ROBO1: variants seen among roughly 807,000 people sequenced by gnomAD.
ROBO1 encodes the protein roundabout guidance receptor 1, also known as roundabout homolog 1.
In ROBO1, 149 loss-of-function variants were observed where a neutral mutation model predicts 195.9. The observed-to-expected ratio is 0.76, with a 90% CI of 0.67 to 0.87. The LOEUF is 0.87. Among genes scored for constraint, ROBO1 ranks in the 40% least tolerant of loss-of-function variants. The pLI is 0.00. For missense variants in ROBO1, 1,933 were observed against 2,068.3 expected (o/e 0.93, Z 1.27); for synonymous variants, 816 against 733.2 (o/e 1.11, Z -1.82).
intron 4 of ROBO1, among the ~76,000 whole-genome samples, chr3:78,758,395 C>T (rs1036742227): frequency 6.6e-6 from 1 of 151,764 alleles, no homozygotes; most frequent in African/African-American, 2.4e-5. Context: ...TGTGGTGGCA[C>T]AGGCCTGTAG....
chr3:78,861,770 AT>A (rs2034856672), intron 4 of ROBO1, among the ~76,000 whole-genome samples: 1 of 152,152 alleles, frequency 6.6e-6, no homozygotes, highest in African/African-American at 2.4e-5. Context: ...CACCTTGTTT[AT>A]AGCTCTGAAA....
intron 3 of ROBO1, among the ~76,000 whole-genome samples, chr3:79,048,974 C>A (rs1048992307): frequency 2.0e-5 from 3 of 152,102 alleles, no homozygotes; most frequent in African/African-American, 2.4e-5. Context: ...ATTCCAAAAA[C>A]CAGAGCACCT....
chr3:79,441,073 T>G (rs557890285), intron 2 of ROBO1, among the ~76,000 whole-genome samples: 2 of 152,116 alleles, frequency 1.3e-5, no homozygotes, highest in Non-Finnish European at 2.9e-5. Context: ...AAAAAACATA[T>G]ATGCTAAACT....
intron 2 of ROBO1, among the ~76,000 whole-genome samples, chr3:79,312,959 C>T (rs1245332205): frequency 6.6e-6 from 1 of 151,930 alleles, no homozygotes; most frequent in African/African-American, 2.4e-5. Context: ...TCAACGTTGC[C>T]ATTTACATTC....
At chr3:79,683,156 C>A (rs946676143) in intron 1 of ROBO1, among the ~76,000 whole-genome samples, 5 of 151,826 alleles carry the variant, frequency 3.3e-5, no homozygotes, top group African/African-American at 4.8e-5. Context: ...CCCTGCATTT[C>A]AAGTGGAAAA....
intron 2 of ROBO1, among the ~76,000 whole-genome samples, chr3:79,361,611 T>A (rs1378918932): frequency 6.6e-6 from 1 of 152,086 alleles, no homozygotes; most frequent in Non-Finnish European, 1.5e-5. Flanking sequence ...TTAAATTCAA[T>A]GTCGAACTCT....
intron 1 of ROBO1, among the ~76,000 whole-genome samples, chr3:79,755,055 T>G (rs1704316617): frequency 6.6e-6 from 1 of 151,956 alleles, no homozygotes. Flanking sequence ...TAATTTTGTA[T>G]TTTTAGTAGA....
Position 79,301,323 on chromosome 3 carries a change from C to A in ROBO1, c.89-175784G>T, listed in dbSNP as rs562642059. Among the ~76,000 whole-genome samples the A allele has an allele frequency of 1.2e-4, 19 of 152,264 alleles. No individual in the cohort carries two copies. In the East Asian group the frequency reaches 3.5e-3, roughly 28 times the overall value. On this transcript the variant is annotated intron_variant, in intron 2 of 30. Transcript: ENST00000464233. ...ACTTCTTTCTTGAAGTCAGTGAGAC[C>A]AAGAACCCACCAATTCCGCACACAG... is the stretch of plus-strand genomic sequence containing the variant.
At chr3:79,661,800 A>G (rs1006419184) in intron 1 of ROBO1, among the ~76,000 whole-genome samples, 18 of 152,076 alleles carry the variant, frequency 1.2e-4, no homozygotes, top group African/African-American at 3.9e-4. Context: ...TTGAAATTTC[A>G]TGTCTTTGAA....
chr3:79,556,940 T>TA (rs1942722271), intron 2 of ROBO1, among the ~76,000 whole-genome samples: 1 of 151,046 alleles, frequency 6.6e-6, no homozygotes, highest in Admixed American at 6.6e-5. Flanking sequence ...TTTTATTTTT[T>TA]ATCTCATTTT....
intron 3 of ROBO1, among the ~76,000 whole-genome samples, chr3:79,047,200 G>A (rs1398940696): frequency 1.3e-5 from 2 of 152,112 alleles, no homozygotes; most frequent in East Asian, 3.9e-4. Flanking sequence ...ATTATGTAGT[G>A]GGAGAATGTA....
intron 4 of ROBO1, among the ~76,000 whole-genome samples, chr3:78,765,270 G>A (rs2083201926): frequency 6.6e-6 from 1 of 151,818 alleles, no homozygotes; most frequent in African/African-American, 2.4e-5. Flanking sequence ...CTAAAGTTTT[G>A]ATTATATTTA....
intron 6 of ROBO1, 83 bp from the exon 7 acceptor site, chr3:78,717,496 T>G: frequency 8.0e-7 from 1 of 1,257,118 alleles, no homozygotes; most frequent in Non-Finnish European, 1.1e-6. Context: ...TAAGAGCATA[T>G]TTTTAATTTA....
intron 4 of ROBO1, among the ~76,000 whole-genome samples, chr3:78,856,417 A>G (rs1459745183): frequency 6.6e-6 from 1 of 152,020 alleles, no homozygotes; most frequent in Admixed American, 6.6e-5. Context: ...TAACTTTCCT[A>G]TGCTTATTAC....
At chr3:79,358,183 C>G (rs980330522) in intron 2 of ROBO1, among the ~76,000 whole-genome samples, 1 of 152,046 alleles carries the variant, frequency 6.6e-6, no homozygotes, top group Non-Finnish European at 1.5e-5. Flanking sequence ...TGAAAAAATA[C>G]TATTTATCTA....
chr3:79,156,910 G>T (rs562489199), intron 2 of ROBO1, among the ~76,000 whole-genome samples: 1 of 151,860 alleles, frequency 6.6e-6, no homozygotes, highest in Non-Finnish European at 1.5e-5. Context: ...ATAGTTCCAT[G>T]TTCATATACT....
At chr3:79,643,802 T>C (rs1163031030) in intron 1 of ROBO1, among the ~76,000 whole-genome samples, 4 of 151,548 alleles carry the variant, frequency 2.6e-5, no homozygotes, top group East Asian at 2.0e-4. Flanking sequence ...AGAAAGACAG[T>C]AAGAAAGGAA....
At chr3:78,660,320 C>T (rs1707316673) in intron 16 of ROBO1, 1 of 153,020 alleles carries the variant, frequency 6.5e-6, no homozygotes, top group Admixed American at 6.5e-5. Flanking sequence ...GTGAATTTTC[C>T]ATAACCAAAG....
intron 2 of ROBO1, among the ~76,000 whole-genome samples, chr3:79,204,046 C>T (rs1472733225): frequency 2.0e-5 from 3 of 151,926 alleles, no homozygotes; most frequent in Non-Finnish European, 2.9e-5. Flanking sequence ...GATATTTTTC[C>T]TATTCTTTTT....
Sources: allele counts gnomAD v4.1 joint callset (sites outside exome capture counted in the v4.1 genomes callset), GRCh38; gene constraint gnomAD v4.1.1; transcripts MANE v1.5; gene names NCBI Gene and HGNC (gene_info 2026-07-23, HGNC 2026-07-21).